MYLK3: variants seen among roughly 807,000 people sequenced by gnomAD.
MYLK3 encodes MLC kinase.
Under a neutral mutation model 76.3 loss-of-function variants are expected in MYLK3, and 55 were observed. The observed-to-expected ratio is 0.72, with a 90% confidence interval of 0.58 to 0.90. MYLK3 has a LOEUF of 0.90. Ranked by LOEUF, MYLK3 falls within the 40% of genes least tolerant of loss-of-function variation. The pLI, the probability that MYLK3 is intolerant of heterozygous loss-of-function variation, is 0.00. For missense variants in MYLK3, 973 were observed against 1,053.6 expected, an observed-to-expected ratio of 0.92 and a Z score of 1.06; for synonymous variants, 416 against 425.4, an observed-to-expected ratio of 0.98 and a Z score of 0.27.
At chr16:46,709,356 A>C (rs1966658715) in intron 12 of MYLK3, among the ~76,000 whole-genome samples, 183 bp downstream of exon 12, 1 of 151,960 alleles carries the variant, frequency 6.6e-6, no homozygotes. Context: ...CAGGAATTTA[A>C]GGTTACAGTG....
intron 3 of MYLK3, among the ~76,000 whole-genome samples, chr16:46,733,087 C>A (rs1966856026): frequency 6.6e-6 from 1 of 152,214 alleles, no homozygotes; most frequent in African/African-American, 2.4e-5. Context: ...TCCAGCTGGG[C>A]ACAGTGGCTC....
intron 1 of MYLK3, among the ~76,000 whole-genome samples, chr16:46,756,881 T>C (rs548507000): frequency 2.0e-5 from 3 of 152,102 alleles, no homozygotes; most frequent in African/African-American, 7.2e-5. Flanking sequence ...GGAACGGCCA[T>C]CCTTAAGACC....
chr16:46,734,484 C>T (rs369536316), intron 3 of MYLK3, among the ~76,000 whole-genome samples: 5 of 152,100 alleles, frequency 3.3e-5, no homozygotes, highest in East Asian at 1.9e-4. Context: ...TGTGGTGGCA[C>T]GTGCTTGTAG....
chr16:46,728,679 C>G (rs747969970), intron 7 of MYLK3, among the ~76,000 whole-genome samples: 2 of 152,304 alleles, frequency 1.3e-5, no homozygotes, highest in Non-Finnish European at 2.9e-5. Context: ...TGTGATCACA[C>G]CACTGCACTC....
intron 9 of MYLK3, among the ~76,000 whole-genome samples, chr16:46,719,113 C>T (rs1457076711): frequency 5.3e-5 from 8 of 149,856 alleles, no homozygotes; most frequent in South Asian, 4.3e-4. Context: ...CGGATCACGA[C>T]GTCAAGAGAT....
intron 3 of MYLK3, among the ~76,000 whole-genome samples, chr16:46,737,142 C>T (rs1009520712): frequency 5.9e-5 from 9 of 152,210 alleles, no homozygotes; most frequent in Non-Finnish European, 1.2e-4. Context: ...GATTGGGGCA[C>T]AGGTTCCGGA....
intron 8 of MYLK3, among the ~76,000 whole-genome samples, chr16:46,723,901 G>A (rs1210209342): frequency 6.6e-5 from 10 of 152,042 alleles, no homozygotes; most frequent in East Asian, 1.9e-4. Context: ...CGCCTGCCTC[G>A]GCCTCCCAAA....
At chr16:46,719,672 C>T (rs1447164155) in intron 9 of MYLK3, among the ~76,000 whole-genome samples, 7 of 152,158 alleles carry the variant, frequency 4.6e-5, no homozygotes, top group African/African-American at 9.7e-5. Flanking sequence ...CTGTGGGTTC[C>T]GCAGGCCTCC....
Position 46,741,797 on chromosome 16 carries a change from G to A in MYLK3, c.478-1650C>T, listed in dbSNP as rs868774547. Among the ~76,000 whole-genome samples the A allele has an allele frequency of 2.2e-4, 33 of 147,512 alleles. No individual in the cohort carries two copies. The Middle Eastern group carries it at 0.01, about 46-fold the overall frequency. The stretch of plus-strand genomic sequence containing the variant: ...TTTTTTTTTTTTTTTTTGAGACAGA[G>A]TCTCGCTCTGTTGTCCAGCCTGGAG... On this transcript the variant is annotated intron_variant, in intron 1 of 12. Transcript: ENST00000394809.
At chr16:46,760,937 C>T (rs1967268562) in intron 1 of MYLK3, among the ~76,000 whole-genome samples, 1 of 152,150 alleles carries the variant, frequency 6.6e-6, no homozygotes, top group Non-Finnish European at 1.5e-5. Context: ...AAAATGTCTG[C>T]TCCAAGATAT....
At chr16:46,722,424 T>A (rs1343711667) in intron 8 of MYLK3, among the ~76,000 whole-genome samples, 2 of 152,166 alleles carry the variant, frequency 1.3e-5, no homozygotes, top group Non-Finnish European at 2.9e-5. Flanking sequence ...CCAAAGCAAA[T>A]GTCAGCTACT....
At chr16:46,729,859 G>A (rs780714774) in intron 5 of MYLK3, 172 bp from the exon 6 acceptor site, 12 of 628,950 alleles carry the variant, frequency 1.9e-5, no homozygotes, top group Non-Finnish European at 3.4e-5. Context: ...AACCTGCAAA[G>A]CAACTCTTCA....
At chr16:46,761,543 A>G (rs1024277266) in intron 1 of MYLK3, among the ~76,000 whole-genome samples, 1 of 152,166 alleles carries the variant, frequency 6.6e-6, no homozygotes, top group Non-Finnish European at 1.5e-5. Flanking sequence ...TGAGCAGGGC[A>G]CAGTGGCTCA....
At chr16:46,725,744 C>A (rs571442791) in intron 8 of MYLK3, 1 of 152,266 alleles carries the variant, frequency 6.6e-6, no homozygotes, top group East Asian at 1.9e-4. Context: ...CTTGTGATGT[C>A]TTTGATTTTG....
intron 2 of MYLK3, among the ~76,000 whole-genome samples, chr16:46,739,638 T>C (rs185232077): frequency 6.6e-6 from 1 of 152,340 alleles, no homozygotes. Context: ...TATTTTATCT[T>C]CCTTGTGATC....
chr16:46,707,776 A>G lies in MYLK3; in HGVS notation c.2401-13T>C, dbSNP rs1966641313. ...CATAGAAATGTTTCTTGAGGCAAGGAGAGAATAAAAGAAAAGAAAAAGCAT... is the reference window on the plus strand; with the variant it reads ...CATAGAAATGTTTCTTGAGGCAAGGGGAGAATAAAAGAAAAGAAAAAGCAT... On this transcript the variant is annotated splice_polypyrimidine_tract_variant and intron_variant, in intron 12 of 12. Transcript: ENST00000394809. The G allele has an allele frequency of 6.3e-7, 1 of 1,597,512 alleles. No individual in the cohort carries two copies. The highest frequency in any genetic ancestry group is 1.3e-5 in the African/African-American group (1 of 74,272).
chr16:46,739,338 A>G (rs745772711), intron 2 of MYLK3, among the ~76,000 whole-genome samples: 20 of 152,228 alleles, frequency 1.3e-4, no homozygotes, highest in Non-Finnish European at 2.5e-4. Flanking sequence ...TTGGAACCAC[A>G]TAAATATCAT....
At chr16:46,727,590 G>A (rs1466241802) in intron 7 of MYLK3, among the ~76,000 whole-genome samples, 9 of 152,134 alleles carry the variant, frequency 5.9e-5, no homozygotes, top group Middle Eastern at 3.2e-3. Context: ...GCAGTGGCGC[G>A]ATCTCTGCTC....
chr16:46,710,577 A>G, intron 11 of MYLK3, 60 bp downstream of exon 11: 1 of 1,599,062 alleles, frequency 6.3e-7, no homozygotes, highest in Non-Finnish European at 8.5e-7. Flanking sequence ...AGTCCTGCCC[A>G]GCTCCCAGAC....
Sources: gnomAD v4.1 joint callset for allele counts (sites outside exome capture counted in the v4.1 genomes callset) on GRCh38, gnomAD v4.1.1 for gene constraint, MANE v1.5 for transcripts, NCBI Gene and HGNC (gene_info 2026-07-23, HGNC 2026-07-21) for gene names.